Variants in TRAFD1 observed in about 807,000 individuals in gnomAD.
TRAFD1 encodes the protein TRAF-type zinc finger domain containing 1, also known as TRAF-type zinc finger domain-containing protein 1.
TRAFD1 carries 38 observed loss-of-function variants against 65.3 expected under a neutral mutation model. The observed-to-expected ratio is 0.58, with a 90% CI of 0.45 to 0.76. The LOEUF (loss-of-function observed/expected upper bound fraction) is 0.76, where lower values mean the gene tolerates loss of function less well. Ranked by LOEUF, TRAFD1 falls within the 30% of genes least tolerant of loss-of-function variation. The probability of loss-of-function intolerance (pLI) is 0.00; values close to 1 mark genes in which losing one functional copy is unlikely to be tolerated. For missense variants in TRAFD1, 631 were observed against 712.6 expected (o/e 0.89, Z 1.30); for synonymous variants, 223 against 257.2 (o/e 0.87, Z 1.27).
Position 112,152,507 on chromosome 12 carries a change from G to A in TRAFD1, c.1692+8G>A, listed in dbSNP as rs1474804306. 6 of 1,613,828 alleles carry A rather than the reference G, an allele frequency of 3.7e-6. No individual in the cohort carries two copies. The highest frequency in any genetic ancestry group is 1.3e-5 in the African/African-American group (1 of 74,926). On this transcript the variant is annotated splice_region_variant and intron_variant, in intron 11 of 11. Transcript: ENST00000412615. This position sits in a 1 kb window ranked among gnomAD's most constrained non-coding sequence, Gnocchi z 5.0. ...CGCAGCAGAACTGCAAAGGTAAGGT[G>A]GGCTCCAGCCCATGATGCTCAGTGG...
chr12:112,145,184 T>C (rs1290606396), intron 6 of TRAFD1, among the ~76,000 whole-genome samples: 1 of 152,188 alleles, frequency 6.6e-6, no homozygotes, highest in Non-Finnish European at 1.5e-5. Context: ...ATTCAGGATA[T>C]TGTTTGCCAG....
rs558974010 is a variant in TRAFD1, at chr12:112,127,300, C to A, written c.-13+1682C>A. 6.6e-5 allele frequency among the ~76,000 whole-genome samples: 10 copies of A among 152,318 alleles called. No homozygotes were observed. The South Asian group carries it at 2.1e-3, about 32-fold the overall frequency. Reference sequence around the variant, plus strand: ...TACCTAAAGTAGATTTGCCTCTATTCCGCCCCCATTTATTTGTCAGTATAC... The same window carrying A: ...TACCTAAAGTAGATTTGCCTCTATTACGCCCCCATTTATTTGTCAGTATAC... On this transcript the variant is annotated intron_variant, in intron 1 of 11. Transcript: ENST00000412615.
chr12:112,146,743 G>T (rs1451840936), intron 7 of TRAFD1, among the ~76,000 whole-genome samples: 1 of 152,168 alleles, frequency 6.6e-6, no homozygotes, highest in Non-Finnish European at 1.5e-5. Context: ...GCTTCTAAAA[G>T]TCTGTGCCCA....
rs202109450 is a variant in TRAFD1, at chr12:112,149,829, G to A, written c.1237G>A (p.Glu413Lys). The A allele has an allele frequency of 1.7e-4, 277 of 1,614,070 alleles. No homozygotes were observed. The highest frequency in any genetic ancestry group is 2.2e-4 in the Non-Finnish European group (258 of 1,180,040). ...TCCTAGACTGGATTCCCAGCCTCAA[G>A]AGACCTCACCAGAGCTGCCCAGGAG... is the stretch of plus-strand genomic sequence containing the variant. Reference protein sequence around the residue: ...GIPRLDSQPQETSPELPRRRV... With the variant: ...GIPRLDSQPQKTSPELPRRRV... The change falls in exon 9 of 12, where the codon GAG (glutamate) becomes AAG (lysine). Residue 413 changes from glutamate to lysine, a missense_variant. Physicochemically the swap from Glu to Lys is moderately conservative, Grantham distance 56 (BLOSUM62 1). Transcript: ENST00000412615.
chr12:112,149,906 G>T (rs1259623438), intron 9 of TRAFD1, 35 bp downstream of exon 9: 1 of 1,612,144 alleles, frequency 6.2e-7, no homozygotes, highest in Non-Finnish European at 8.5e-7. Context: ...AAGGCCGCAG[G>T]TCTACTGCTG....
chr12:112,149,955 T>C, intron 9 of TRAFD1, 84 bp downstream of exon 9: 1 of 1,556,662 alleles, frequency 6.4e-7, no homozygotes, highest in Non-Finnish European at 8.7e-7. Context: ...ACTGCTCTAA[T>C]GTGGGGATTA....
At chr12:112,140,216 C>A in intron 4 of TRAFD1, 1 of 224,834 alleles carries the variant, frequency 4.4e-6, no homozygotes, top group Non-Finnish European at 9.3e-6. Flanking sequence ...GTCAGAAGTT[C>A]AAGACCAGCC....
chr12:112,140,196 G>A lies in TRAFD1; in HGVS notation c.238-623G>A, dbSNP rs545205129. 2.8e-4 allele frequency: 74 copies of A among 266,012 alleles called. 1 individual carries two copies. Among genetic ancestry groups the A allele is most frequent in the South Asian group, 3.8e-4 (12 of 31,794 alleles). The allele number at this position is 266,012 out of a possible 1,614,324, so 16.5% of individuals were successfully genotyped here. A position where few individuals can be genotyped will look rare whatever the true frequency, so the allele number is the denominator to read the frequency against. On this transcript the variant is annotated intron_variant, in intron 4 of 11. Coordinates refer to ENST00000412615, the MANE Select transcript of TRAFD1 (RefSeq NM_006700.3). ...AGCACTTTGGGAGGCTGAGGCGGGC[G>A]GATCACAAGGTCAGAAGTTCAAGAC...
chr12:112,152,884 G>C lies in TRAFD1; in HGVS notation c.*93G>C, dbSNP rs1343185360. 1 of 1,455,854 alleles carries C rather than the reference G, an allele frequency of 6.9e-7. No homozygotes were observed. The highest frequency in any genetic ancestry group is 1.4e-5 in the African/African-American group (1 of 69,838). The allele number at this position is 1,455,854 out of a possible 1,614,324, so 90.2% of individuals were successfully genotyped here. A position where few individuals can be genotyped will look rare whatever the true frequency, so the allele number is the denominator to read the frequency against. On this transcript the variant is annotated 3_prime_UTR_variant, in exon 12 of 12. Transcript: ENST00000412615. This position sits in a 1 kb window ranked among gnomAD's most constrained non-coding sequence, Gnocchi z 5.0. ...CCCACCTCTTTGGCTCTTTGGGTGG[G>C]AGAGTTTTTCCAGATTTTAGATTTT...
intron 7 of TRAFD1, among the ~76,000 whole-genome samples, chr12:112,146,810 A>G (rs2030260132): frequency 6.6e-6 from 1 of 152,140 alleles, no homozygotes; most frequent in Non-Finnish European, 1.5e-5. Context: ...GTTGGTCTGC[A>G]CCACTAGGCT....
At chr12:112,128,349 T>TA (rs2079551469) in intron 1 of TRAFD1, among the ~76,000 whole-genome samples, 1 of 152,158 alleles carries the variant, frequency 6.6e-6, no homozygotes, top group South Asian at 2.1e-4. Flanking sequence ...AATGACTAAA[T>TA]ACATGTTTTG....
At position 112,152,227 on chromosome 12, in the gene TRAFD1, T is replaced by C; in HGVS notation, c.1619+87T>C. The C allele has an allele frequency of 6.8e-7, 1 of 1,480,488 alleles. No individual in the cohort carries two copies. Among genetic ancestry groups the C allele is most frequent in the Non-Finnish European group, 9.1e-7 (1 of 1,095,302 alleles). 91.7% of individuals were successfully genotyped at this position (1,480,488 alleles called of 1,614,324 possible). A position where few individuals can be genotyped will look rare whatever the true frequency, so the allele number is the denominator to read the frequency against. On this transcript the variant is annotated intron_variant, in intron 10 of 11. Coordinates refer to ENST00000412615, the MANE Select transcript of TRAFD1 (RefSeq NM_006700.3). The surrounding 1 kb of genome is among the most constrained non-coding windows in gnomAD (Gnocchi z 5.0). ...CTGGTTACCCTTGCCAGGCCTGGGG[T>C]AAGACTGAGGTACTTGCATGGTAAG...
intron 2 of TRAFD1, among the ~76,000 whole-genome samples, chr12:112,132,797 G>C (rs2079572627): frequency 6.6e-6 from 1 of 152,104 alleles, no homozygotes; most frequent in African/African-American, 2.4e-5. Context: ...GAATATTAAA[G>C]GTTATTAAAA....
At chr12:112,132,147 G>A (rs1459538016) in intron 2 of TRAFD1, among the ~76,000 whole-genome samples, 1 of 152,064 alleles carries the variant, frequency 6.6e-6, no homozygotes, top group Non-Finnish European at 1.5e-5. Context: ...AGTAATTACT[G>A]GCTTTAATTT....
At chr12:112,139,892 C>T (rs1413313209) in intron 4 of TRAFD1, among the ~76,000 whole-genome samples, 1 of 151,974 alleles carries the variant, frequency 6.6e-6, no homozygotes. Flanking sequence ...TCCCAAGCAA[C>T]TCAGGAAGCT....
intron 6 of TRAFD1, among the ~76,000 whole-genome samples, chr12:112,143,735 T>G (rs1319986699): frequency 1.3e-5 from 2 of 149,064 alleles, no homozygotes; most frequent in Admixed American, 1.3e-4. Context: ...TTTGGTTTTT[T>G]TTTTTTTTTT....
In TRAFD1 at chr12:112,151,991, C is replaced by A. The variant is rs1428034801; in HGVS notation, c.1470C>A (p.Asp490Glu). ...SPCVPKLSNS[D>E]SQDIQGRNRD... is the part of the protein sequence containing the mutation. ...GTGTGCCGAAGCTCAGCAACTCAGA[C>A]AGCCAGGACATCCAGGGGCGGAATC... Residue 490 changes from aspartate (D) to glutamate (E), a missense_variant, in exon 10 of 12, where the codon GAC (aspartate) becomes GAA (glutamate). Physicochemically the swap from Asp to Glu is conservative, Grantham distance 45. Transcript: ENST00000412615. 6.2e-7 allele frequency: 1 copy of A among 1,614,266 alleles called. No homozygotes were observed. Among genetic ancestry groups the A allele is most frequent in the Non-Finnish European group, 8.5e-7 (1 of 1,180,052 alleles).
At chr12:112,143,941 T>G (rs1566050142) in intron 6 of TRAFD1, among the ~76,000 whole-genome samples, 1 of 151,682 alleles carries the variant, frequency 6.6e-6, no homozygotes, top group Non-Finnish European at 1.5e-5. Context: ...TTGCCCAGGC[T>G]AGTCTCGAAC....
rs1329149580 is a variant in TRAFD1 at position 112,148,163 on chromosome 12, G to C, written c.1017G>C (p.Gln339His). Residue 339 changes from glutamine (Q) to histidine (H), a missense_variant, in exon 8 of 12, where the codon CAG (glutamine) becomes CAC (histidine). Coordinates refer to ENST00000412615, the MANE Select transcript of TRAFD1 (RefSeq NM_006700.3). ...TGGAGGAACCTGATGTCATCTTCCA[G>C]AACTTCTTGCAACAGGCTGCAAGTA... ...RGVEEPDVIF[Q>H]NFLQQAASNQ... 1 of 1,614,048 alleles carries C rather than the reference G, an allele frequency of 6.2e-7. No homozygotes were observed. Among genetic ancestry groups the C allele is most frequent in the Non-Finnish European group, 8.5e-7 (1 of 1,180,040 alleles).
Sources: allele counts gnomAD v4.1 joint callset (sites outside exome capture counted in the v4.1 genomes callset), GRCh38; gene constraint gnomAD v4.1.1; non-coding constraint Gnocchi (gnomAD v3.1); transcripts MANE v1.5; gene names NCBI Gene and HGNC (gene_info 2026-07-23, HGNC 2026-07-21).